Variants in LYN observed in about 807,000 individuals in gnomAD.
LYN encodes tyrosine-protein kinase Lyn.
In LYN, 12 loss-of-function variants were observed where a neutral mutation model predicts 65.0. The observed-to-expected ratio is 0.18, with a 90% CI of 0.12 to 0.30. LYN has a LOEUF of 0.30. LYN is among the 10% of genes least tolerant of loss of function. The pLI is 1.00. For synonymous variants in LYN, 222 were observed against 221.2 expected, an observed-to-expected ratio of 1.00 and a Z score of -0.03; for missense variants, 380 against 623.2, an observed-to-expected ratio of 0.61 and a Z score of 4.16.
intron 1 of LYN, among the ~76,000 whole-genome samples, chr8:55,897,957 A>G (rs1438316726): frequency 1.3e-5 from 2 of 152,122 alleles, no homozygotes; most frequent in East Asian, 1.9e-4. Context: ...TTAGTAAGCA[A>G]TTTTTTTCTT....
At chr8:55,935,210 G>GAA (rs113196835) in intron 1 of LYN, among the ~76,000 whole-genome samples, 2 of 151,656 alleles carry the variant, frequency 1.3e-5, no homozygotes, top group Non-Finnish European at 2.9e-5. Flanking sequence ...GTTGCCTAAA[G>GAA]AAAAAAAACA....
intron 1 of LYN, among the ~76,000 whole-genome samples, chr8:55,908,761 A>G (rs1217111861): frequency 6.6e-6 from 1 of 151,410 alleles, no homozygotes; most frequent in Non-Finnish European, 1.5e-5. Context: ...TACCCTCCAA[A>G]GTCTCCATTG....
chr8:55,942,735 A>G (rs906722525), intron 2 of LYN, among the ~76,000 whole-genome samples: 6 of 151,126 alleles, frequency 4.0e-5, no homozygotes, highest in African/African-American at 1.5e-4. Flanking sequence ...CAGTGAGCCA[A>G]GATTGCACCA....
chr8:56,003,925 ATTCT>A (rs1391920997), intron 12 of LYN, among the ~76,000 whole-genome samples: 1 of 115,122 alleles, frequency 8.7e-6, no homozygotes, highest in Non-Finnish European at 1.9e-5. Flanking sequence ...TAAATATTTT[ATTCT>A]TTTTTTTTTT....
chr8:55,991,683 T>A (rs965214522), intron 10 of LYN, among the ~76,000 whole-genome samples: 2 of 152,134 alleles, frequency 1.3e-5, no homozygotes, highest in Non-Finnish European at 2.9e-5. Flanking sequence ...TTCTTTGTCA[T>A]CAGCTTCAGG....
intron 10 of LYN, among the ~76,000 whole-genome samples, chr8:55,997,846 A>T (rs1026898997): frequency 6.6e-6 from 1 of 152,212 alleles, no homozygotes; most frequent in Non-Finnish European, 1.5e-5. Flanking sequence ...GCACTTTGGG[A>T]GGCCAAGGCG....
chr8:55,886,577 A>C (rs1169404006), intron 1 of LYN, among the ~76,000 whole-genome samples: 1 of 152,216 alleles, frequency 6.6e-6, no homozygotes, highest in African/African-American at 2.4e-5. Flanking sequence ...AACCCATAGC[A>C]AGAAACATTT....
intron 10 of LYN, among the ~76,000 whole-genome samples, chr8:55,993,677 G>A (rs1585674736): frequency 6.6e-6 from 1 of 152,220 alleles, no homozygotes; most frequent in Non-Finnish European, 1.5e-5. Flanking sequence ...GAGTGTAAAG[G>A]ATGTGAAGCA....
intron 1 of LYN, among the ~76,000 whole-genome samples, chr8:55,895,997 A>T (rs577225292): frequency 2.6e-5 from 4 of 152,334 alleles, no homozygotes; most frequent in African/African-American, 9.6e-5. Flanking sequence ...TGTACATACC[A>T]GGTGCACTTT....
chr8:55,891,114 A>T (rs1804949249), intron 1 of LYN, among the ~76,000 whole-genome samples: 1 of 151,936 alleles, frequency 6.6e-6, no homozygotes, highest in African/African-American at 2.4e-5. Flanking sequence ...GCACTTTGGG[A>T]GGCCAAGGTG....
In LYN at chr8:56,013,644, A is replaced by G. The variant is rs908950449; in HGVS notation, c.*3534A>G. On this transcript the variant is annotated 3_prime_UTR_variant, in exon 13 of 13. Coordinates refer to ENST00000519728, the MANE Select transcript of LYN (RefSeq NM_002350.4). ...GGGCGGTAGCTGCTAAAAGGACTCA[A>G]TTCTGCAACCTCAGCTTCTGACACC... 5.3e-5 allele frequency: 8 copies of G among 152,164 alleles called. No homozygotes were observed. The highest frequency in any genetic ancestry group is 1.0e-4 in the Non-Finnish European group (7 of 68,084). 9.4% of individuals were successfully genotyped at this position (152,164 alleles called of 1,614,324 possible).
intron 1 of LYN, among the ~76,000 whole-genome samples, chr8:55,908,037 T>C (rs937435104): frequency 1.3e-5 from 2 of 152,182 alleles, no homozygotes; most frequent in African/African-American, 4.8e-5. Context: ...CCAACAGTTC[T>C]AATGAATAAA....
At chr8:55,961,986 AT>A (rs928344316) in intron 8 of LYN, among the ~76,000 whole-genome samples, 1 of 151,942 alleles carries the variant, frequency 6.6e-6, no homozygotes, top group African/African-American at 2.4e-5. Context: ...GGATGTATGC[AT>A]CCCCCCAAAA....
intron 1 of LYN, among the ~76,000 whole-genome samples, chr8:55,880,940 A>G (rs1197884877): frequency 6.6e-6 from 1 of 152,120 alleles, no homozygotes; most frequent in Non-Finnish European, 1.5e-5. Context: ...GTGTTTTTGT[A>G]TATCCGAGTG....
At chr8:55,955,913 A>G (rs1265911889) in intron 8 of LYN, among the ~76,000 whole-genome samples, 3 of 152,198 alleles carry the variant, frequency 2.0e-5, no homozygotes, top group Non-Finnish European at 2.9e-5. Context: ...TTGTTTATCT[A>G]CTTATCCATT....
chr8:55,957,624 A>T (rs1328865169), intron 8 of LYN, among the ~76,000 whole-genome samples: 1 of 152,190 alleles, frequency 6.6e-6, no homozygotes, highest in Non-Finnish European at 1.5e-5. Context: ...TGAGTGAATT[A>T]TTTCTTAGTA....
intron 1 of LYN, among the ~76,000 whole-genome samples, chr8:55,923,353 C>G (rs145263129): frequency 6.6e-6 from 1 of 152,040 alleles, no homozygotes; most frequent in Non-Finnish European, 1.5e-5. Context: ...GCTCAGTTTC[C>G]GCCTCTCTGT....
intron 10 of LYN, among the ~76,000 whole-genome samples, chr8:55,994,947 G>A (rs189009558): frequency 4.6e-5 from 7 of 152,246 alleles, no homozygotes; most frequent in Admixed American, 3.9e-4. Flanking sequence ...TGTTATAATC[G>A]TACACTCCTT....
intron 10 of LYN, among the ~76,000 whole-genome samples, chr8:55,995,189 C>A (rs1808343794): frequency 6.6e-6 from 1 of 152,158 alleles, no homozygotes; most frequent in Non-Finnish European, 1.5e-5. Flanking sequence ...CCACTGCCTG[C>A]TGTTTCTGGG....
Sources: allele counts gnomAD v4.1 joint callset (sites outside exome capture counted in the v4.1 genomes callset), GRCh38; gene constraint gnomAD v4.1.1; transcripts MANE v1.5; gene names NCBI Gene and HGNC (gene_info 2026-07-23, HGNC 2026-07-21).